SFRP1: variants seen among roughly 807,000 people sequenced by gnomAD.
The protein encoded by SFRP1 is secreted frizzled related protein 1.
SFRP1 carries 9 observed loss-of-function variants against 25.9 expected under a neutral mutation model. That is an observed-to-expected ratio of 0.35 (90% CI 0.21 to 0.61). SFRP1 has a LOEUF of 0.61. Ranked by LOEUF, SFRP1 falls within the 20% of genes least tolerant of loss-of-function variation. The pLI is 0.78. For missense variants in SFRP1, 346 were observed against 418.2 expected (o/e 0.83, Z 1.51); for synonymous variants, 178 against 174.0 (o/e 1.02, Z -0.18).
At chr8:41,300,885 C>T (rs1011022975) in intron 2 of SFRP1, among the ~76,000 whole-genome samples, 4 of 152,222 alleles carry the variant, frequency 2.6e-5, no homozygotes, top group African/African-American at 9.7e-5. Flanking sequence ...TTGATCCAGG[C>T]TGATCAGCTG....
intron 2 of SFRP1, among the ~76,000 whole-genome samples, chr8:41,282,465 A>T (rs980940124): frequency 2.0e-5 from 3 of 152,132 alleles, no homozygotes; most frequent in African/African-American, 7.2e-5. Flanking sequence ...GTGAGCTAAG[A>T]TTGTGTCACT....
At position 41,265,154 on chromosome 8, in the gene SFRP1, G is replaced by T. The variant is rs1432819188; in HGVS notation, c.*13C>A. 8.0e-5 allele frequency: 20 copies of T among 250,478 alleles called. No homozygotes were observed. The highest frequency in any genetic ancestry group is 2.3e-4 in the South Asian group (4 of 17,706). The allele number at this position is 250,478 out of a possible 1,614,324, so 15.5% of individuals were successfully genotyped here. On this transcript the variant is annotated 3_prime_UTR_variant, in exon 3 of 3. Transcript: ENST00000220772. ...CCACCCGAGGCTCCCTCCCCACCCTGCCCCCGGGAGAATCACTTAAACACG... is the reference window on the plus strand; with the variant it reads ...CCACCCGAGGCTCCCTCCCCACCCTTCCCCCGGGAGAATCACTTAAACACG...
At chr8:41,298,845 C>T (rs1803875499) in intron 2 of SFRP1, among the ~76,000 whole-genome samples, 1 of 152,082 alleles carries the variant, frequency 6.6e-6, no homozygotes. Flanking sequence ...ACGCAGCACC[C>T]AAAGAAATGG....
At chr8:41,306,786 C>T (rs994535653) in intron 1 of SFRP1, 4 of 1,597,986 alleles carry the variant, frequency 2.5e-6, no homozygotes, top group Non-Finnish European at 3.4e-6. Flanking sequence ...AGAAGGGCGC[C>T]GACCAGTGGA....
At chr8:41,302,092 C>T (rs924414069) in intron 2 of SFRP1, among the ~76,000 whole-genome samples, 1 of 152,176 alleles carries the variant, frequency 6.6e-6, no homozygotes, top group African/African-American at 2.4e-5. Flanking sequence ...AGAGTTCCAC[C>T]CTCAATCTGT....
At chr8:41,268,254 C>A (rs545755904) in intron 2 of SFRP1, among the ~76,000 whole-genome samples, 3 of 152,214 alleles carry the variant, frequency 2.0e-5, no homozygotes, top group East Asian at 3.9e-4. Context: ...TTATTATAAT[C>A]AAGGAGAAGG....
chr8:41,276,697 C>T (rs1803576232), intron 2 of SFRP1, among the ~76,000 whole-genome samples: 1 of 152,140 alleles, frequency 6.6e-6, no homozygotes, highest in Non-Finnish European at 1.5e-5. Flanking sequence ...CTCTCATCTC[C>T]AAAAACAAAA....
intron 2 of SFRP1, among the ~76,000 whole-genome samples, chr8:41,273,180 A>C (rs1443429646): frequency 6.6e-6 from 1 of 152,166 alleles, no homozygotes; most frequent in African/African-American, 2.4e-5. Context: ...AAAATGCAGA[A>C]TTTTTTTAAT....
intron 1 of SFRP1, 103 bp downstream of exon 1, chr8:41,308,513 C>T: frequency 2.1e-6 from 2 of 951,136 alleles, no homozygotes; most frequent in South Asian, 1.7e-5. Flanking sequence ...TCCCCAGCAC[C>T]GGGACCCAGC....
intron 2 of SFRP1, among the ~76,000 whole-genome samples, chr8:41,284,008 G>A (rs1400059310): frequency 6.6e-6 from 1 of 152,146 alleles, no homozygotes; most frequent in Non-Finnish European, 1.5e-5. Flanking sequence ...GACTCTCTGG[G>A]GGATTGCCTA....
rs1366931986 is a variant in SFRP1 at position 41,262,872 on chromosome 8, A to G, written c.*2295T>C. 6.6e-6 allele frequency: 1 copy of G among 152,224 alleles called. No homozygotes were observed. The highest frequency in any genetic ancestry group is 1.5e-5 in the Non-Finnish European group (1 of 68,040). The allele number at this position is 152,224 out of a possible 1,614,324, so 9.4% of individuals were successfully genotyped here. ...AGCTGCTATGGGTCTAAAACCTTCA[A>G]TAAAGTAACTAATGACACTCAAGGT... On this transcript the variant is annotated 3_prime_UTR_variant, in exon 3 of 3. Coordinates refer to ENST00000220772, the MANE Select transcript of SFRP1 (RefSeq NM_003012.5).
intron 2 of SFRP1, among the ~76,000 whole-genome samples, chr8:41,290,366 C>T (rs1442781703): frequency 6.6e-6 from 1 of 152,224 alleles, no homozygotes; most frequent in Non-Finnish European, 1.5e-5. Context: ...GCCCTGAAGG[C>T]CCTCATAAAT....
At chr8:41,270,491 A>G (rs951984201) in intron 2 of SFRP1, among the ~76,000 whole-genome samples, 27 of 152,128 alleles carry the variant, frequency 1.8e-4, no homozygotes, top group Non-Finnish European at 3.5e-4. Context: ...CCAGTAAAAA[A>G]CAAGCCCATT....
chr8:41,275,513 T>G (rs1159910436), intron 2 of SFRP1, among the ~76,000 whole-genome samples: 3 of 151,690 alleles, frequency 2.0e-5, no homozygotes, highest in Non-Finnish European at 2.9e-5. Flanking sequence ...CTTTTTGTTT[T>G]TTTTTTTTAG....
intron 1 of SFRP1, among the ~76,000 whole-genome samples, chr8:41,307,435 G>A (rs576554516): frequency 6.6e-6 from 1 of 152,318 alleles, no homozygotes; most frequent in South Asian, 2.1e-4. Flanking sequence ...CCAGGTGACT[G>A]CACTCCCCTC....
Position 41,274,175 on chromosome 8 carries a change from A to G in SFRP1, c.623-8686T>C, listed in dbSNP as rs537230638. 2.6e-5 allele frequency among the ~76,000 whole-genome samples: 4 copies of G among 152,268 alleles called. No individual in the cohort carries two copies. The South Asian group carries it at 8.3e-4, about 32-fold the overall frequency. On this transcript the variant is annotated intron_variant, in intron 2 of 2. Transcript: ENST00000220772. ...GAGACTTCTCCAATCCTGTGAACCA[A>G]TGCCCCTAATTAACTCCCTCTCCCA... is the stretch of plus-strand genomic sequence containing the variant.
rs11408385 is a variant in SFRP1, at chr8:41,295,529, C to CAAA, written c.622+7929_622+7931dup. ...CAGCGACAAGAGCAAGAGGCTGTCT[C>CAAA]AAAAAAAAAAAAAAATTCACTACAG... On this transcript the variant is annotated intron_variant, in intron 2 of 2. Transcript: ENST00000220772. Among the ~76,000 whole-genome samples the CAAA allele has an allele frequency of 3.2e-3, 458 of 142,930 alleles. 3 individuals carry two copies. The highest frequency in any genetic ancestry group is 0.011 in the African/African-American group (434 of 38,704). The allele number at this position is 142,930 out of a possible 152,430, so 93.8% of individuals were successfully genotyped here. A position where few individuals can be genotyped will look rare whatever the true frequency, so the allele number is the denominator to read the frequency against.
rs768211131 is a variant in SFRP1 at position 41,308,735 on chromosome 8, G to C, written c.425C>G (p.Pro142Arg). The change falls in exon 1 of 3, where the codon CCG becomes CGG. Residue 142 changes from proline to arginine, a missense_variant. Coordinates refer to ENST00000220772, the MANE Select transcript of SFRP1 (RefSeq NM_003012.5). Reference sequence around the variant, plus strand: ...GTAGAAGCCGAAGAACTGCATGACCGGCTCGCACGAGTCGCGCACGGCCTC... The same window carrying C: ...GTAGAAGCCGAAGAACTGCATGACCCGCTCGCACGAGTCGCGCACGGCCTC... ...LCEAVRDSCEPVMQFFGFYWP... is the reference protein window; with the variant it reads ...LCEAVRDSCERVMQFFGFYWP... 3.7e-6 allele frequency: 6 copies of C among 1,608,746 alleles called. No individual in the cohort carries two copies. The highest frequency in any genetic ancestry group is 4.5e-5 in the East Asian group (2 of 44,420).
chr8:41,277,357 A>G lies in SFRP1; in HGVS notation c.623-11868T>C, dbSNP rs141793127. 9.8e-5 allele frequency among the ~76,000 whole-genome samples: 15 copies of G among 152,294 alleles called. No individual in the cohort carries two copies. The East Asian group carries it at 2.9e-3, about 29-fold the overall frequency. On this transcript the variant is annotated intron_variant, in intron 2 of 2. Coordinates refer to ENST00000220772, the MANE Select transcript of SFRP1 (RefSeq NM_003012.5). ...GCCAAGGCAAACAGCTTTTCCTACC[A>G]TGGGGTCACTGGTTTTTCATTCCTC... is the stretch of plus-strand genomic sequence containing the variant.
Sources: allele counts gnomAD v4.1 joint callset (sites outside exome capture counted in the v4.1 genomes callset), GRCh38; gene constraint gnomAD v4.1.1; transcripts MANE v1.5; gene names NCBI Gene and HGNC (gene_info 2026-07-23, HGNC 2026-07-21).